Variants in CENPE observed in about 807,000 individuals in gnomAD.
The protein encoded by CENPE is centromere protein E, also known as centromere-associated protein E.
A neutral mutation model predicts 336.1 loss-of-function variants in CENPE; 145 were observed. That is an observed-to-expected ratio of 0.43 (90% CI 0.38 to 0.50). The LOEUF (loss-of-function observed/expected upper bound fraction) is 0.50, where lower values mean the gene tolerates loss of function less well. CENPE is among the 20% of genes least tolerant of loss of function. CENPE has a pLI of 0.00. For synonymous variants in CENPE, 1,013 were observed against 984.8 expected, an observed-to-expected ratio of 1.03 and a Z score of -0.54; for missense variants, 2,719 against 3,023.3, an observed-to-expected ratio of 0.90 and a Z score of 2.36.
At chr4:103,195,810 T>C (rs889976018) in intron 4 of CENPE, 110 bp downstream of exon 4, 1 of 727,732 alleles carries the variant, frequency 1.4e-6, no homozygotes, top group East Asian at 2.5e-5. Context: ...AATCAAACAA[T>C]AACTGTAAAT....
chr4:103,177,623 A>T (rs1755985004), intron 13 of CENPE, among the ~76,000 whole-genome samples: 1 of 152,052 alleles, frequency 6.6e-6, no homozygotes, highest in Non-Finnish European at 1.5e-5. Context: ...ACAAGTTTGG[A>T]GAAGTTGCAT....
intron 13 of CENPE, among the ~76,000 whole-genome samples, chr4:103,178,884 C>T (rs1756101344): frequency 6.6e-6 from 1 of 152,172 alleles, no homozygotes; most frequent in South Asian, 2.1e-4. Context: ...TCTCAACATG[C>T]AACCAGAACA....
rs533334641 is a variant in CENPE at position 103,188,310 on chromosome 4, A to G, written c.694-2449T>C. ...CCAAGCAGACCTAATAGACATCTAT[A>G]GAACTCTCCACCCCAAATCAACAGA... On this transcript the variant is annotated intron_variant, in intron 8 of 48. Transcript: ENST00000265148. 3.9e-3 allele frequency among the ~76,000 whole-genome samples: 588 copies of G among 152,374 alleles called. 3 individuals are homozygous for G. The highest frequency in any genetic ancestry group is 6.2e-3 in the Non-Finnish European group (420 of 68,040).
At chr4:103,131,985 T>C (rs1379157699) in intron 42 of CENPE, among the ~76,000 whole-genome samples, 2 of 152,186 alleles carry the variant, frequency 1.3e-5, no homozygotes, top group Admixed American at 6.5e-5. Context: ...GGAATTTTTA[T>C]GGCAGGATAG....
In CENPE at chr4:103,149,333, T is replaced by G; in HGVS notation, c.3472A>C (p.Asn1158His). The change falls in exon 27 of 49, where the codon AAT (asparagine) becomes CAT (histidine). Residue 1158 changes from asparagine to histidine, a missense_variant. Asn to His is a moderately conservative substitution (Grantham distance 68). This residue lies in a region of CENPE where 2,437 missense variants were observed against 2,513.3 expected (regional missense o/e 0.97). Coordinates refer to ENST00000265148, the MANE Select transcript of CENPE (RefSeq NM_001813.3). ...TCATTCTTTAAATTCTCTATTTCAT[T>G]AATCTTTTTCTGCATCTCACTCATC... ...EEMSEMQKKI[N>H]EIENLKNELK... 6.2e-7 allele frequency: 1 copy of G among 1,610,306 alleles called. No homozygotes were observed. The highest frequency in any genetic ancestry group is 8.5e-7 in the Non-Finnish European group (1 of 1,179,158).
chr4:103,192,946 T>A (rs1757479697), intron 8 of CENPE, among the ~76,000 whole-genome samples: 1 of 147,844 alleles, frequency 6.8e-6, no homozygotes, highest in African/African-American at 2.5e-5. Context: ...TTTAGGAGGG[T>A]AGGGAAAAAG....
At chr4:103,159,633 T>G (rs888571665) in intron 21 of CENPE, among the ~76,000 whole-genome samples, 6 of 151,918 alleles carry the variant, frequency 3.9e-5, no homozygotes, top group Admixed American at 6.6e-5. Flanking sequence ...GTTTTCTAAC[T>G]TTATCATGTG....
rs1158921193 is a variant in CENPE, at chr4:103,140,872, T to G, written c.5696A>C (p.Glu1899Ala). The change falls in exon 36 of 49, where the codon GAG becomes GCG. Residue 1899 changes from glutamate (E) to alanine (A), a missense_variant. Coordinates refer to ENST00000265148, the MANE Select transcript of CENPE (RefSeq NM_001813.3). ...TTGGTCTCTCTCCAGTTTGAGTGTC[T>G]CCTCTACTCTTCTTAGATTATCTCT... Reference protein sequence around the residue: ...KERDNLRRVEETLKLERDQLK... With the variant: ...KERDNLRRVEATLKLERDQLK... The G allele has an allele frequency of 4.3e-6, 7 of 1,609,596 alleles. No individual in the cohort carries two copies. Among genetic ancestry groups the G allele is most frequent in the Non-Finnish European group, 5.9e-6 (7 of 1,178,730 alleles).
rs1172099309 is a variant in CENPE, at chr4:103,140,272, T to C, written c.5897A>G (p.Asp1966Gly). ...AACACATACCTTTTTCTGTAATTCA[T>C]CTTTTGATTTATCTAAATCCTTTTG... The part of the protein sequence containing the change: ...DIQKDLDKSK[D>G]ELQKKIQELQ... Residue 1966 changes from aspartate (D) to glycine (G), a missense_variant, in exon 37 of 49, where the codon GAT (aspartate) becomes GGT (glycine). Physicochemically the swap from Asp to Gly is moderately conservative, Grantham distance 94. Coordinates refer to ENST00000265148, the MANE Select transcript of CENPE (RefSeq NM_001813.3). 6.3e-7 allele frequency: 1 copy of C among 1,593,324 alleles called. No individual in the cohort carries two copies. The highest frequency in any genetic ancestry group is 8.5e-7 in the Non-Finnish European group (1 of 1,173,450).
intron 47 of CENPE, among the ~76,000 whole-genome samples, chr4:103,110,496 T>C (rs1378008333): frequency 6.6e-6 from 1 of 152,096 alleles, no homozygotes; most frequent in African/African-American, 2.4e-5. Flanking sequence ...AAGCCTACAA[T>C]AATGGACGTA....
intron 48 of CENPE, among the ~76,000 whole-genome samples, chr4:103,108,270 T>G (rs1749073277): frequency 1.3e-5 from 2 of 152,014 alleles, no homozygotes; most frequent in Non-Finnish European, 2.9e-5. Flanking sequence ...ATCACTTGAT[T>G]ACTGTCTGTA....
At position 103,146,658 on chromosome 4, in the gene CENPE, TGCACC is replaced by T. The variant is rs373469969; in HGVS notation, c.4135-556_4135-552del. ...GAATTGAAATAAGACCGGCAAGATCTGCACCTAGGGCCTCATAGGCCACATAAAGG... is the reference window on the plus strand; with the variant it reads ...GAATTGAAATAAGACCGGCAAGATCTTAGGGCCTCATAGGCCACATAAAGG... On this transcript the variant is annotated intron_variant, in intron 29 of 48. Transcript: ENST00000265148. Among the ~76,000 whole-genome samples, 1,391 of 152,316 alleles carry T rather than the reference TGCACC, an allele frequency of 9.1e-3. 19 individuals carry two copies. The highest frequency in any genetic ancestry group is 0.031 in the African/African-American group (1,285 of 41,562).
intron 40 of CENPE, among the ~76,000 whole-genome samples, chr4:103,135,118 C>T (rs992071315): frequency 2.0e-5 from 3 of 152,190 alleles, no homozygotes; most frequent in African/African-American, 4.8e-5. Flanking sequence ...TCTGCTACTG[C>T]CTCTTAGACA....
chr4:103,149,473 A>G (rs2125938635), intron 26 of CENPE, 65 bp from the exon 27 acceptor site: 1 of 1,384,484 alleles, frequency 7.2e-7, no homozygotes, highest in Non-Finnish European at 9.7e-7. Flanking sequence ...ACACAAAATC[A>G]TTAACAGCCT....
chr4:103,184,133 T>G (rs924240537), intron 9 of CENPE, among the ~76,000 whole-genome samples: 1 of 152,258 alleles, frequency 6.6e-6, no homozygotes, highest in Non-Finnish European at 1.5e-5. Context: ...TAGCTATTGC[T>G]TTAACATTAC....
intron 16 of CENPE, among the ~76,000 whole-genome samples, chr4:103,167,997 C>T (rs572427316): frequency 1.4e-4 from 22 of 152,138 alleles, no homozygotes; most frequent in Non-Finnish European, 2.9e-4. Context: ...GCACAAGGAC[C>T]CAGAAGGGAA....
At chr4:103,172,410 T>C (rs1275737493) in intron 16 of CENPE, among the ~76,000 whole-genome samples, 5 of 151,974 alleles carry the variant, frequency 3.3e-5, no homozygotes, top group Admixed American at 3.3e-4. Context: ...TACCTCTTCA[T>C]GATAAAAACT....
At position 103,151,347 on chromosome 4, in the gene CENPE, G is replaced by A; in HGVS notation, c.3268C>T (p.Leu1090Phe). 3.1e-6 allele frequency: 5 copies of A among 1,589,756 alleles called. No individual in the cohort carries two copies. The highest frequency in any genetic ancestry group is 1.2e-5 in the South Asian group (1 of 85,016). ...TIENQEELRL[L>F]GDELKKQQEI... Reference sequence around the variant, plus strand: ...TGTTGCTTTTTAAGTTCATCCCCAAGAAGTCTTAATTCTTCCTGGTTTTCA... The same window carrying A: ...TGTTGCTTTTTAAGTTCATCCCCAAAAAGTCTTAATTCTTCCTGGTTTTCA... The change falls in exon 26 of 49, where the codon CTT (leucine) becomes TTT (phenylalanine). Residue 1090 changes from leucine (L) to phenylalanine (F), a missense_variant. This residue lies in a region of CENPE where 2,437 missense variants were observed against 2,513.3 expected (regional missense o/e 0.97). Transcript: ENST00000265148.
At chr4:103,141,372 T>C (rs1752544218) in intron 35 of CENPE, among the ~76,000 whole-genome samples, 1 of 152,140 alleles carries the variant, frequency 6.6e-6, no homozygotes, top group Admixed American at 6.5e-5. Flanking sequence ...CTTCATAAAG[T>C]TTCTGTGTGC....
Sources: allele counts gnomAD v4.1 joint callset (sites outside exome capture counted in the v4.1 genomes callset), GRCh38; gene constraint gnomAD v4.1.1; regional missense constraint gnomAD v4.1.1; transcripts MANE v1.5; gene names NCBI Gene and HGNC (gene_info 2026-07-23, HGNC 2026-07-21).